The following INO80D variants were observed in gnomAD, a reference collection of about 807,000 sequenced individuals.
The protein encoded by INO80D is INO80 complex subunit D.
In INO80D, 21 loss-of-function variants were observed where a neutral mutation model predicts 87.6. That is an observed-to-expected ratio of 0.24 (90% CI 0.17 to 0.35). INO80D has a LOEUF of 0.35. INO80D is among the 10% of genes least tolerant of loss of function. The pLI is 1.00. For missense variants in INO80D, 982 were observed against 1,280.7 expected, an observed-to-expected ratio of 0.77 and a Z score of 3.56; for synonymous variants, 440 against 491.0, an observed-to-expected ratio of 0.90 and a Z score of 1.37.
chr2:206,081,732 C>T (rs1169837349), intron 1 of INO80D, among the ~76,000 whole-genome samples: 1 of 140,256 alleles, frequency 7.1e-6, no homozygotes, highest in South Asian at 2.2e-4. Flanking sequence ...ACTCCAGGCT[C>T]GACAACAGAG....
rs754492809 is a variant in INO80D at position 206,009,802 on chromosome 2, A to AT, written c.1543-9dup. The AT allele has an allele frequency of 5.6e-5, 90 of 1,595,276 alleles. No individual in the cohort carries two copies. The African/African-American group carries it at 1.1e-3, about 20-fold the overall frequency. On this transcript the variant is annotated splice_polypyrimidine_tract_variant and intron_variant, in intron 8 of 10. Transcript: ENST00000403263. ...TCCTCTCAAGAAATTATCCTTTGGA[A>AT]TGAATAAATAGGCTTTTAAATTGAG...
At chr2:206,050,496 G>GAAAA (rs3079265) in intron 4 of INO80D, among the ~76,000 whole-genome samples, 2 of 99,576 alleles carry the variant, frequency 2.0e-5, no homozygotes, top group Non-Finnish European at 3.6e-5. Flanking sequence ...CGTCTCAAAA[G>GAAAA]AAAAAAAAAA....
chr2:206,081,536 T>G lies in INO80D; in HGVS notation c.-124+4365A>C, dbSNP rs1690283042. On this transcript the variant is annotated intron_variant, in intron 1 of 10. Transcript: ENST00000403263. Reference sequence around the variant, plus strand: ...GAAAGACTGAGGCAGGCGGATCCCTTGCATCCAGGAGTTTGAGACCAGCCT... The same window carrying G: ...GAAAGACTGAGGCAGGCGGATCCCTGGCATCCAGGAGTTTGAGACCAGCCT... 2.0e-5 allele frequency among the ~76,000 whole-genome samples: 3 copies of G among 152,086 alleles called. 1 individual carries two copies.
intron 3 of INO80D, 86 bp from the exon 4 acceptor site, chr2:206,057,029 T>TAG: frequency 7.4e-7 from 1 of 1,347,430 alleles, no homozygotes; most frequent in Non-Finnish European, 9.9e-7. Flanking sequence ...AATCCTAATG[T>TAG]TAAAAATTGC....
intron 4 of INO80D, among the ~76,000 whole-genome samples, chr2:206,047,855 A>ACTTTTTTT (rs1559451845): frequency 1.4e-5 from 1 of 70,964 alleles, no homozygotes. Flanking sequence ...GATTTCTTTC[A>ACTTTTTTT]ATTTTTTTTT....
chr2:206,009,401 C>G (rs1175277844), intron 9 of INO80D, among the ~76,000 whole-genome samples, 176 bp downstream of exon 9: 1 of 152,152 alleles, frequency 6.6e-6, no homozygotes, highest in Non-Finnish European at 1.5e-5. Context: ...AATTTTAGAT[C>G]AAATACAGCC....
intron 9 of INO80D, 94 bp from the exon 10 acceptor site, chr2:206,007,535 C>A: frequency 7.0e-7 from 1 of 1,423,750 alleles, no homozygotes; most frequent in Non-Finnish European, 9.5e-7. Context: ...AAGAAGCTAA[C>A]GTCAGGCAGG....
At chr2:206,020,521 TG>T (rs1688434673) in intron 6 of INO80D, among the ~76,000 whole-genome samples, 1 of 152,184 alleles carries the variant, frequency 6.6e-6, no homozygotes, top group African/African-American at 2.4e-5. Flanking sequence ...AATGGCTGAG[TG>T]GCTTTTATCC....
At chr2:206,051,560 A>G (rs1379418730) in intron 4 of INO80D, among the ~76,000 whole-genome samples, 1 of 152,226 alleles carries the variant, frequency 6.6e-6, no homozygotes, top group East Asian at 1.9e-4. Flanking sequence ...CTATATTATT[A>G]ATCCAAAATA....
At chr2:206,063,737 G>C (rs917418632) in intron 1 of INO80D, 1 of 152,060 alleles carries the variant, frequency 6.6e-6, no homozygotes, top group African/African-American at 2.4e-5. Flanking sequence ...CCCCCAAATT[G>C]AACTAAATAA....
chr2:206,081,188 A>G (rs1690272789), intron 1 of INO80D, among the ~76,000 whole-genome samples: 2 of 152,196 alleles, frequency 1.3e-5, no homozygotes, highest in African/African-American at 4.8e-5. Flanking sequence ...TTTGCTCCAG[A>G]GCCCAAGCTT....
At chr2:206,060,105 T>G (rs1353150086) in intron 3 of INO80D, among the ~76,000 whole-genome samples, 1 of 152,002 alleles carries the variant, frequency 6.6e-6, no homozygotes, top group Non-Finnish European at 1.5e-5. Context: ...CTCGGGAGAC[T>G]GAGGCAAGAG....
At chr2:206,011,204 C>T (rs551425324) in intron 8 of INO80D, among the ~76,000 whole-genome samples, 4 of 152,280 alleles carry the variant, frequency 2.6e-5, no homozygotes, top group African/African-American at 7.2e-5. Flanking sequence ...GGCCAGTACC[C>T]GAACATTGTG....
In INO80D at chr2:205,999,261, G is replaced by A. The variant is rs773530726; in HGVS notation, c.*5107C>T. ...GATTCTATGACTCTTCGGGCGGGAT[G>A]GGTACAGATCATATGTGCGTGTGCA... On this transcript the variant is annotated 3_prime_UTR_variant, in exon 11 of 11. Coordinates refer to ENST00000403263, the MANE Select transcript of INO80D (RefSeq NM_017759.5). 6.6e-6 allele frequency: 1 copy of A among 152,298 alleles called. No individual in the cohort carries two copies. Among genetic ancestry groups the A allele is most frequent in the African/African-American group, 2.4e-5 (1 of 41,472 alleles). The allele number at this position is 152,298 out of a possible 1,614,324, so 9.4% of individuals were successfully genotyped here. A position where few individuals can be genotyped will look rare whatever the true frequency, so the allele number is the denominator to read the frequency against.
chr2:206,017,863 A>C, intron 7 of INO80D, 50 bp from the exon 8 acceptor site: 1 of 1,533,764 alleles, frequency 6.5e-7, no homozygotes, highest in Non-Finnish European at 8.8e-7. Context: ...CTAATTTTTC[A>C]ATTTCTATAT....
intron 1 of INO80D, among the ~76,000 whole-genome samples, chr2:206,075,493 G>A (rs1261192026): frequency 1.3e-5 from 2 of 150,784 alleles, no homozygotes; most frequent in African/African-American, 4.9e-5. Context: ...CTGGAGTGCA[G>A]TGGCACGATG....
intron 1 of INO80D, among the ~76,000 whole-genome samples, chr2:206,067,564 C>A (rs1689853116): frequency 6.6e-6 from 1 of 151,954 alleles, no homozygotes; most frequent in Non-Finnish European, 1.5e-5. Flanking sequence ...TCACTATATA[C>A]CCCACAAATA....
intron 4 of INO80D, among the ~76,000 whole-genome samples, chr2:206,048,162 A>G: frequency 6.6e-6 from 1 of 152,068 alleles, no homozygotes; most frequent in East Asian, 1.9e-4. Flanking sequence ...GCCTCTTTCA[A>G]TTATTTTAAA....
In INO80D at chr2:206,028,228, C is replaced by G; in HGVS notation, c.1181G>C (p.Arg394Pro). The G allele has an allele frequency of 1.9e-6, 3 of 1,613,692 alleles. No homozygotes were observed. The highest frequency in any genetic ancestry group is 2.5e-6 in the Non-Finnish European group (3 of 1,179,748). Reference protein sequence around the residue: ...HLCRLERAESRQKKCRHTFRK... With the variant: ...HLCRLERAESPQKKCRHTFRK... ...AAACGTATGCCGGCATTTCTTTTGA[C>G]GAGATTCTGCCCGCTCCAGGCGGCA... is the stretch of plus-strand genomic sequence containing the variant. The change falls in exon 6 of 11, where the codon CGT becomes CCT. Residue 394 changes from arginine to proline, a missense_variant. Coordinates refer to ENST00000403263, the MANE Select transcript of INO80D (RefSeq NM_017759.5).
Sources: allele counts gnomAD v4.1 joint callset (sites outside exome capture counted in the v4.1 genomes callset), GRCh38; gene constraint gnomAD v4.1.1; transcripts MANE v1.5; gene names NCBI Gene and HGNC (gene_info 2026-07-23, HGNC 2026-07-21).